The following MYOM2 variants were observed in gnomAD, a reference collection of about 807,000 sequenced individuals.
MYOM2 encodes myomesin 2, also known as myomesin-2.
MYOM2 carries 254 observed loss-of-function variants against 187.6 expected under a neutral mutation model. The observed-to-expected ratio is 1.35, with a 90% CI of 1.22 to 1.50. The LOEUF is 1.50. Among genes scored for constraint, MYOM2 ranks in the 40% most tolerant of loss-of-function variants. The pLI, the probability that MYOM2 is intolerant of heterozygous loss-of-function variation, is 0.00. For missense variants in MYOM2, 2,796 were observed against 1,924.0 expected (o/e 1.45, Z -8.48); for synonymous variants, 981 against 753.8 (o/e 1.30, Z -4.94).
At chr8:2,082,884 T>C (rs1159738621) in intron 13 of MYOM2, among the ~76,000 whole-genome samples, 1 of 152,016 alleles carries the variant, frequency 6.6e-6, no homozygotes, top group Non-Finnish European at 1.5e-5. Context: ...TAGAGAAAAA[T>C]CTCCTGGGGA....
chr8:2,052,328 T>TC lies in MYOM2; in HGVS notation c.263+18dup, dbSNP rs530882601. On this transcript the variant is annotated intron_variant, in intron 3 of 36. Transcript: ENST00000262113. ...AACAGAAGCAGGTGAGCACATGGCT[T>TC]CCCTGACTCCACTTGTGCCCTGCGT... 216 of 1,586,258 alleles carry TC rather than the reference T, an allele frequency of 1.4e-4. 2 individuals are homozygous for TC. The East Asian group carries it at 2.9e-3, about 21-fold the overall frequency.
chr8:2,121,857 G>A lies in MYOM2; in HGVS notation c.3454-1395G>A, dbSNP rs928255772. On this transcript the variant is annotated intron_variant, in intron 28 of 36. Transcript: ENST00000262113. ...GGCCATACGTAGCCTAAGAGGTGATGTAATCATCTTTCCTAGACATTCATG... is the reference window on the plus strand; with the variant it reads ...GGCCATACGTAGCCTAAGAGGTGATATAATCATCTTTCCTAGACATTCATG... Among the ~76,000 whole-genome samples, 68 of 152,192 alleles carry A rather than the reference G, an allele frequency of 4.5e-4. 5 individuals are homozygous for A. Among genetic ancestry groups the A allele is most frequent in the Non-Finnish European group, 1.5e-5 (1 of 68,034 alleles).
At position 2,055,302 on chromosome 8, in the gene MYOM2, A is replaced by G. The variant is rs1818627303; in HGVS notation, c.264-2046A>G. 9.2e-5 allele frequency among the ~76,000 whole-genome samples: 14 copies of G among 152,206 alleles called. No individual in the cohort carries two copies. In the South Asian group the frequency reaches 2.9e-3, roughly 32 times the overall value. On this transcript the variant is annotated intron_variant, in intron 3 of 36. Transcript: ENST00000262113. ...CGTGCTCTGCAGGAGGAGGATGAGG[A>G]CGTATGAAAGAGACCCACAGGGCTG...
At chr8:2,066,230 C>G (rs1451109040) in intron 6 of MYOM2, among the ~76,000 whole-genome samples, 3 of 152,218 alleles carry the variant, frequency 2.0e-5, no homozygotes, top group Non-Finnish European at 4.4e-5. Flanking sequence ...TGCCCGTGCA[C>G]CTGCTCTGTG....
chr8:2,077,916 G>T (rs1225146705), intron 11 of MYOM2, among the ~76,000 whole-genome samples: 1 of 152,064 alleles, frequency 6.6e-6, no homozygotes, highest in Non-Finnish European at 1.5e-5. Flanking sequence ...TGTTCTCTTC[G>T]GCTAAAACAG....
At chr8:2,078,968 A>G (rs778419194) in intron 12 of MYOM2, 35 bp downstream of exon 12, 2 of 1,600,450 alleles carry the variant, frequency 1.2e-6, no homozygotes, top group South Asian at 1.1e-5. Context: ...CACTGTGCCC[A>G]GGAAGCTTTG....
chr8:2,088,998 G>T (rs1218736934), intron 14 of MYOM2, among the ~76,000 whole-genome samples: 2 of 152,000 alleles, frequency 1.3e-5, no homozygotes, highest in Non-Finnish European at 2.9e-5. Flanking sequence ...GACGCCCTGG[G>T]GGCTCCCACC....
chr8:2,120,689 A>ATATATATATATGTTATATATTTATAATAT, intron 28 of MYOM2, among the ~76,000 whole-genome samples: 1 of 42,416 alleles, frequency 2.4e-5, no homozygotes, highest in African/African-American at 7.5e-5. Flanking sequence ...ATTATATATA[A>ATATATATATATGTTATATATTTATAATAT]ATATATAATA....
At chr8:2,112,311 G>C (rs118066006) in intron 25 of MYOM2, among the ~76,000 whole-genome samples, 2,218 of 150,234 alleles carry the variant, frequency 0.015, 28 homozygotes, top group Non-Finnish European at 0.022. Context: ...AGAAGGCAGA[G>C]AGTTGAAGAG....
rs1240085313 is a variant in MYOM2, at chr8:2,109,506, A to T, written c.3155A>T (p.Asn1052Ile). 1.2e-6 allele frequency: 2 copies of T among 1,612,742 alleles called. No homozygotes were observed. Among genetic ancestry groups the T allele is most frequent in the Admixed American group, 3.3e-5 (2 of 59,782 alleles). Reference protein sequence around the residue: ...SPDASYRFIINDREVSDSEIH... With the variant: ...SPDASYRFIIIDREVSDSEIH... The stretch of plus-strand genomic sequence containing the variant: ...GATGCCAGCTACCGATTTATTATTA[A>T]CGACAGAGAAGTCTCTGACAGCGAG... The change falls in exon 25 of 37, where the codon AAC becomes ATC. Residue 1052 changes from asparagine to isoleucine, a missense_variant. By Grantham distance (149) the Asn-to-Ile change is moderately radical. Transcript: ENST00000262113.
chr8:2,078,263 C>G (rs1385098751), intron 11 of MYOM2, among the ~76,000 whole-genome samples: 1 of 152,204 alleles, frequency 6.6e-6, no homozygotes, highest in East Asian at 1.9e-4. Context: ...TTCCCAGGGA[C>G]CTGGGCCCTT....
chr8:2,095,035 T>C (rs1334910912), intron 17 of MYOM2, among the ~76,000 whole-genome samples: 1 of 152,194 alleles, frequency 6.6e-6, no homozygotes, highest in Non-Finnish European at 1.5e-5. Flanking sequence ...ATCTTCCCAC[T>C]TCAGAGGGAA....
chr8:2,107,826 A>G (rs1226192618), intron 23 of MYOM2, among the ~76,000 whole-genome samples: 1 of 152,224 alleles, frequency 6.6e-6, no homozygotes, highest in Non-Finnish European at 1.5e-5. Flanking sequence ...GGACTTCTGA[A>G]AAGCTGTGCA....
Position 2,076,192 on chromosome 8 carries a change from G to C in MYOM2, c.1172G>C (p.Cys391Ser). 6.2e-7 allele frequency: 1 copy of C among 1,613,458 alleles called. No individual in the cohort carries two copies. Among genetic ancestry groups the C allele is most frequent in the Non-Finnish European group, 8.5e-7 (1 of 1,179,888 alleles). ...GAPGAPMDLQ[C>S]HDANRDYVIV... ...CCCGGTGCACCCATGGACTTGCAGT[G>C]CCACGACGCCAACCGGGACTACGTC... Residue 391 changes from cysteine to serine, a missense_variant, in exon 11 of 37, where the codon TGC becomes TCC. Transcript: ENST00000262113.
At chr8:2,060,445 T>A (rs1224382498) in intron 6 of MYOM2, among the ~76,000 whole-genome samples, 2 of 151,976 alleles carry the variant, frequency 1.3e-5, no homozygotes, top group Non-Finnish European at 2.9e-5. Flanking sequence ...AGGTGTGGGG[T>A]GTGTGTGCTT....
chr8:2,143,133 C>T (rs182002897), intron 35 of MYOM2, among the ~76,000 whole-genome samples: 103 of 152,304 alleles, frequency 6.8e-4, no homozygotes, highest in Admixed American at 2.0e-3. Flanking sequence ...ATTCTTCACC[C>T]TTCAAGCCCA....
At chr8:2,051,855 T>G (rs1355548144) in intron 2 of MYOM2, among the ~76,000 whole-genome samples, 1 of 152,144 alleles carries the variant, frequency 6.6e-6, no homozygotes, top group Non-Finnish European at 1.5e-5. Flanking sequence ...TTTGTTTATG[T>G]GTGCACGCGC....
intron 27 of MYOM2, 40 bp downstream of exon 27, chr8:2,116,315 A>G (rs762953456): frequency 7.0e-6 from 11 of 1,574,858 alleles, no homozygotes; most frequent in Non-Finnish European, 9.5e-6. Flanking sequence ...TGCCCCTAGC[A>G]TAAAGCAAAG....
chr8:2,076,830 G>A (rs1174452526), intron 11 of MYOM2, among the ~76,000 whole-genome samples: 1 of 152,206 alleles, frequency 6.6e-6, no homozygotes, highest in Non-Finnish European at 1.5e-5. Context: ...TTAGGTCATC[G>A]TTGGAGCCAG....
Sources: allele counts gnomAD v4.1 joint callset (sites outside exome capture counted in the v4.1 genomes callset), GRCh38; gene constraint gnomAD v4.1.1; transcripts MANE v1.5; gene names NCBI Gene and HGNC (gene_info 2026-07-23, HGNC 2026-07-21).